Variants in UVRAG observed in about 807,000 individuals in gnomAD.
The protein encoded by UVRAG is UV radiation resistance associated, also known as UV radiation resistance-associated gene protein.
In UVRAG, 19 loss-of-function variants were observed where a neutral mutation model predicts 78.0. The ratio of observed to expected loss-of-function variants is 0.24; its 90% CI spans 0.17 to 0.36. The LOEUF is 0.36. Among genes scored for constraint, UVRAG ranks in the 10% least tolerant of loss-of-function variants. UVRAG has a pLI of 1.00. For missense variants in UVRAG, 740 were observed against 853.8 expected, an observed-to-expected ratio of 0.87 and a Z score of 1.66; for synonymous variants, 323 against 324.6, an observed-to-expected ratio of 1.00 and a Z score of 0.05.
intron 6 of UVRAG, among the ~76,000 whole-genome samples, chr11:75,921,778 A>C (rs1341008466): frequency 3.3e-5 from 5 of 152,026 alleles, no homozygotes; most frequent in Admixed American, 2.6e-4. Flanking sequence ...ATTTCTTCAT[A>C]GATGAATTCA....
intron 6 of UVRAG, among the ~76,000 whole-genome samples, chr11:75,951,088 C>G (rs1352170548): frequency 6.6e-6 from 1 of 151,158 alleles, no homozygotes; most frequent in East Asian, 1.9e-4. Context: ...TTTGCCTAGT[C>G]AGAGTTTTTG....
At chr11:76,105,193 A>T (rs7108353) in intron 13 of UVRAG, among the ~76,000 whole-genome samples, 15,449 of 152,166 alleles carry the variant, frequency 0.1, 1,801 homozygotes, top group African/African-American at 0.29. Context: ...AAATAAACAT[A>T]TGAAAAAAGT....
In UVRAG at chr11:75,912,055, G is replaced by A. The variant is rs543613344; in HGVS notation, c.593+16G>A. 1.4e-5 allele frequency: 21 copies of A among 1,548,364 alleles called. No individual in the cohort carries two copies. The South Asian group carries it at 2.3e-4, about 17-fold the overall frequency. ...CTTTGCTACGGTAAGAAACTTCTTA[G>A]ATTGCCCTGAATTCTAAAGAATCTT... On this transcript the variant is annotated intron_variant, in intron 6 of 14. Transcript: ENST00000356136.
At chr11:75,929,722 T>C (rs1948193298) in intron 6 of UVRAG, among the ~76,000 whole-genome samples, 1 of 152,198 alleles carries the variant, frequency 6.6e-6, no homozygotes, top group African/African-American at 2.4e-5. Flanking sequence ...TTTATCTTGC[T>C]CACGGTAACA....
At position 75,832,558 on chromosome 11, in the gene UVRAG, G is replaced by C. The variant is rs537771874; in HGVS notation, c.117+17034G>C. Reference sequence around the variant, plus strand: ...CCTCTCTGGGTGTGCCAGCCTCCTAGCACTTCAATGTATCCACCATTTCAG... The same window carrying C: ...CCTCTCTGGGTGTGCCAGCCTCCTACCACTTCAATGTATCCACCATTTCAG... On this transcript the variant is annotated intron_variant, in intron 1 of 14. Coordinates refer to ENST00000356136, the MANE Select transcript of UVRAG (RefSeq NM_003369.4). 5.9e-5 allele frequency among the ~76,000 whole-genome samples: 9 copies of C among 152,306 alleles called. No individual in the cohort carries two copies. The South Asian group carries it at 1.7e-3, about 28-fold the overall frequency.
intron 1 of UVRAG, among the ~76,000 whole-genome samples, chr11:75,840,244 G>A (rs1202185843): frequency 6.6e-6 from 1 of 151,392 alleles, no homozygotes; most frequent in Admixed American, 6.6e-5. Flanking sequence ...TCTTTAGTAA[G>A]ATCATATACT....
intron 6 of UVRAG, among the ~76,000 whole-genome samples, chr11:75,935,692 A>G (rs567144580): frequency 3.9e-5 from 6 of 152,328 alleles, no homozygotes; most frequent in South Asian, 2.1e-4. Flanking sequence ...CATTACAGAA[A>G]TAGTATAAAG....
chr11:76,038,821 A>T (rs1431707949), intron 12 of UVRAG, among the ~76,000 whole-genome samples: 1 of 152,194 alleles, frequency 6.6e-6, no homozygotes, highest in African/African-American at 2.4e-5. Context: ...GGCTCCTAAG[A>T]ACTGGGAGTG....
At chr11:75,878,704 T>C (rs1368967626) in intron 3 of UVRAG, among the ~76,000 whole-genome samples, 1 of 151,982 alleles carries the variant, frequency 6.6e-6, no homozygotes. Flanking sequence ...ACCAAAAAAA[T>C]ATGAAAACCA....
chr11:75,992,877 C>T (rs1024048538), intron 8 of UVRAG, among the ~76,000 whole-genome samples: 2 of 152,162 alleles, frequency 1.3e-5, no homozygotes, highest in Non-Finnish European at 2.9e-5. Context: ...TTTTCTCTTG[C>T]ATTTGCAGCT....
chr11:76,098,407 A>C (rs1263851929), intron 13 of UVRAG, among the ~76,000 whole-genome samples: 1 of 152,224 alleles, frequency 6.6e-6, no homozygotes, highest in Non-Finnish European at 1.5e-5. Context: ...GACTTGCCCA[A>C]GGTCATACAG....
rs56838372 is a variant in UVRAG at position 76,012,797 on chromosome 11, TTGTGTGTGTGTGTGTG to T, written c.1060+3966_1061-3967del. 2,307 of 125,632 alleles carry T rather than the reference TTGTGTGTGTGTGTGTG, an allele frequency of 0.018. 137 individuals are homozygous for T. In the East Asian group the frequency reaches 0.23, roughly 13 times the overall value. The allele number at this position is 125,632 out of a possible 1,614,324, so 7.8% of individuals were successfully genotyped here. ...GACATTTAGCTTAAAAAAAAAATGT[TTGTGTGTGTGTGTGTG>T]TGTGTGTGTGTGTGTGTGTGTGTGT... On this transcript the variant is annotated intron_variant, in intron 11 of 14. Coordinates refer to ENST00000356136, the MANE Select transcript of UVRAG (RefSeq NM_003369.4).
intron 13 of UVRAG, among the ~76,000 whole-genome samples, chr11:76,114,769 A>G (rs1952144983): frequency 6.6e-6 from 1 of 152,126 alleles, no homozygotes; most frequent in African/African-American, 2.4e-5. Flanking sequence ...TGTTTTTAGT[A>G]GGTGTTTATT....
intron 14 of UVRAG, among the ~76,000 whole-genome samples, chr11:76,128,974 A>G (rs1416406688): frequency 6.6e-6 from 1 of 152,190 alleles, no homozygotes; most frequent in Non-Finnish European, 1.5e-5. Flanking sequence ...AATAGTTAAT[A>G]TCATTGTAGC....
At chr11:76,126,131 CGG>C (rs1565171662) in intron 14 of UVRAG, among the ~76,000 whole-genome samples, 1 of 140,930 alleles carries the variant, frequency 7.1e-6, no homozygotes, top group African/African-American at 3.1e-5. Flanking sequence ...TTAGTAGAGA[CGG>C]GGTTTCACCA....
At chr11:75,952,378 G>A (rs1369724833) in intron 6 of UVRAG, among the ~76,000 whole-genome samples, 1 of 151,772 alleles carries the variant, frequency 6.6e-6, no homozygotes, top group African/African-American at 2.4e-5. Context: ...AGGATTAGCT[G>A]TAGATTTTTT....
chr11:75,984,498 C>T (rs7102363), intron 8 of UVRAG, among the ~76,000 whole-genome samples: 17,932 of 152,066 alleles, frequency 0.12, 2,630 homozygotes, highest in African/African-American at 0.35. Context: ...ATTTATGATA[C>T]TTTCAACTTA....
intron 5 of UVRAG, chr11:75,892,459 T>G: frequency 1.1e-6 from 1 of 926,096 alleles, no homozygotes; most frequent in South Asian, 5.0e-5. Context: ...CTGGCACTAT[T>G]CTAAACACTT....
chr11:75,859,863 C>G (rs116378157), intron 2 of UVRAG, among the ~76,000 whole-genome samples: 2,158 of 152,302 alleles, frequency 0.014, 50 homozygotes, highest in African/African-American at 0.048. Flanking sequence ...AAACTCTCTT[C>G]ATTTACATTG....
Sources: gnomAD v4.1 joint callset for allele counts (sites outside exome capture counted in the v4.1 genomes callset) on GRCh38, gnomAD v4.1.1 for gene constraint, MANE v1.5 for transcripts, NCBI Gene and HGNC (gene_info 2026-07-23, HGNC 2026-07-21) for gene names.